Variants in ASAP1 observed in about 807,000 individuals in gnomAD.
ASAP1 encodes the protein arf-GAP with SH3 domain, ANK repeat and PH domain-containing protein 1.
ASAP1 carries 43 observed loss-of-function variants against 145.2 expected under a neutral mutation model. That is an observed-to-expected ratio of 0.30 (90% CI 0.23 to 0.38). The LOEUF (loss-of-function observed/expected upper bound fraction) is 0.38, where lower values mean the gene tolerates loss of function less well. Among genes scored for constraint, ASAP1 ranks in the 10% least tolerant of loss-of-function variants. The pLI is 1.00. For missense variants in ASAP1, 1,018 were observed against 1,355.3 expected (o/e 0.75, Z 3.91); for synonymous variants, 546 against 515.5 (o/e 1.06, Z -0.80).
rs143951275 is a variant in ASAP1, at chr8:130,430,502, A to T, written c.-28+12958T>A. The stretch of plus-strand genomic sequence containing the variant: ...GGCTGACCCTCGGTCTGAGCAGTTG[A>T]AACGTCCAGCTGCTTTCCTCTGACC... On this transcript the variant is annotated intron_variant, in intron 1 of 29. Coordinates refer to ENST00000518721, the MANE Select transcript of ASAP1 (RefSeq NM_018482.4). Among the ~76,000 whole-genome samples the T allele has an allele frequency of 2.6e-5, 4 of 152,328 alleles. No homozygotes were observed. In the East Asian group the frequency reaches 7.7e-4, roughly 29 times the overall value.
intron 3 of ASAP1, among the ~76,000 whole-genome samples, chr8:130,259,458 G>T (rs1488640746): frequency 6.6e-6 from 1 of 152,116 alleles, no homozygotes; most frequent in Non-Finnish European, 1.5e-5. Flanking sequence ...AATCACCCTG[G>T]ATGCAAGGTC....
At chr8:130,386,512 G>C (rs1340487075) in intron 2 of ASAP1, among the ~76,000 whole-genome samples, 1 of 152,182 alleles carries the variant, frequency 6.6e-6, no homozygotes, top group African/African-American at 2.4e-5. Context: ...GTCGACACAG[G>C]GCTAAGCGCT....
At chr8:130,125,689 A>C (rs2097573929) in intron 17 of ASAP1, among the ~76,000 whole-genome samples, 1 of 152,050 alleles carries the variant, frequency 6.6e-6, no homozygotes, top group Non-Finnish European at 1.5e-5. Flanking sequence ...AGAAAAATGT[A>C]GTTTTGAAGA....
chr8:130,276,007 C>T (rs888042933), intron 3 of ASAP1, among the ~76,000 whole-genome samples: 1 of 152,104 alleles, frequency 6.6e-6, no homozygotes, highest in African/African-American at 2.4e-5. Flanking sequence ...ACAGAGTGAT[C>T]AAGGAAAGAA....
intron 3 of ASAP1, among the ~76,000 whole-genome samples, chr8:130,302,101 G>A (rs1487201627): frequency 1.3e-5 from 2 of 152,232 alleles, no homozygotes; most frequent in African/African-American, 4.8e-5. Flanking sequence ...TACAGCTATA[G>A]TCTAACATTA....
intron 3 of ASAP1, among the ~76,000 whole-genome samples, chr8:130,325,194 T>A (rs557221988): frequency 5.9e-5 from 9 of 152,340 alleles, no homozygotes; most frequent in Admixed American, 1.3e-4. Context: ...CACATTTAAC[T>A]CTTTCTTGGG....
At chr8:130,348,798 G>T (rs534534533) in intron 3 of ASAP1, among the ~76,000 whole-genome samples, 2 of 152,296 alleles carry the variant, frequency 1.3e-5, no homozygotes, top group East Asian at 3.9e-4. Flanking sequence ...TAGCTGCCAT[G>T]CTCTGTACCA....
At chr8:130,081,692 G>A (rs2097480896) in intron 25 of ASAP1, among the ~76,000 whole-genome samples, 1 of 152,162 alleles carries the variant, frequency 6.6e-6, no homozygotes, top group Non-Finnish European at 1.5e-5. Context: ...CTCACAGCAT[G>A]AGACTGGCAT....
intron 29 of ASAP1, among the ~76,000 whole-genome samples, chr8:130,057,215 G>A (rs1323267871): frequency 6.6e-6 from 1 of 152,178 alleles, no homozygotes; most frequent in Non-Finnish European, 1.5e-5. Flanking sequence ...TTCCCAGCCT[G>A]GGGACAGTGT....
At chr8:130,242,261 TAAAA>T (rs571916495) in intron 3 of ASAP1, among the ~76,000 whole-genome samples, 1 of 85,342 alleles carries the variant, frequency 1.2e-5, no homozygotes, top group Non-Finnish European at 2.1e-5. Flanking sequence ...GTGATTTCCT[TAAAA>T]AAAAAAAAAA....
chr8:130,179,193 G>T, intron 9 of ASAP1, 71 bp downstream of exon 9: 1 of 954,948 alleles, frequency 1.0e-6, no homozygotes, highest in Non-Finnish European at 1.6e-6. Context: ...ATATGAAGAG[G>T]ATTAAGACAA....
intron 3 of ASAP1, among the ~76,000 whole-genome samples, chr8:130,237,649 A>G (rs868279526): frequency 4.6e-5 from 7 of 152,282 alleles, no homozygotes; most frequent in Middle Eastern, 3.4e-3. Context: ...TACCTGTGGT[A>G]TAAGCAGGGG....
intron 29 of ASAP1, among the ~76,000 whole-genome samples, chr8:130,056,970 G>A (rs2097405640): frequency 6.6e-6 from 1 of 152,228 alleles, no homozygotes; most frequent in South Asian, 2.1e-4. Flanking sequence ...GTCACTCACA[G>A]CCTGGGTACC....
intron 3 of ASAP1, among the ~76,000 whole-genome samples, chr8:130,277,538 A>G (rs1820986519): frequency 6.6e-6 from 1 of 152,216 alleles, no homozygotes; most frequent in South Asian, 2.1e-4. Context: ...AAACATTGAA[A>G]ACTCCTAAAG....
chr8:130,303,863 A>G (rs1822826339), intron 3 of ASAP1, among the ~76,000 whole-genome samples: 1 of 152,214 alleles, frequency 6.6e-6, no homozygotes, highest in African/African-American at 2.4e-5. Context: ...ATCATCGCAC[A>G]TTTGTCAAAT....
intron 4 of ASAP1, among the ~76,000 whole-genome samples, chr8:130,233,469 A>G (rs1818030923): frequency 6.6e-6 from 1 of 152,196 alleles, no homozygotes; most frequent in Admixed American, 6.6e-5. Context: ...TGAACAAGTT[A>G]TTCTGTCTCT....
At position 130,103,286 on chromosome 8, in the gene ASAP1, G is replaced by A. The variant is rs1014757349; in HGVS notation, c.2401+8808C>T. 2.0e-4 allele frequency among the ~76,000 whole-genome samples: 30 copies of A among 150,862 alleles called. 1 individual carries two copies. Among genetic ancestry groups the A allele is most frequent in the Admixed American group, 1.5e-3 (22 of 15,162 alleles). On this transcript the variant is annotated intron_variant, in intron 24 of 29. Coordinates refer to ENST00000518721, the MANE Select transcript of ASAP1 (RefSeq NM_018482.4). The stretch of plus-strand genomic sequence containing the variant: ...TTCATTTCTAATCTTATTTATTTGG[G>A]TCTTCTCCCTTCTTTTCTTGTCTAG...
intron 3 of ASAP1, among the ~76,000 whole-genome samples, chr8:130,300,930 C>T (rs1822622223): frequency 6.6e-6 from 1 of 152,106 alleles, no homozygotes; most frequent in Non-Finnish European, 1.5e-5. Context: ...CACTTAAGGA[C>T]CAGCAGAGGC....
At chr8:130,176,289 CA>C (rs1294045855) in intron 9 of ASAP1, among the ~76,000 whole-genome samples, 2 of 152,002 alleles carry the variant, frequency 1.3e-5, no homozygotes, top group Admixed American at 1.3e-4. Flanking sequence ...CAAAACAAAA[CA>C]AAAAACACCT....
Sources: gnomAD v4.1 joint callset for allele counts (sites outside exome capture counted in the v4.1 genomes callset) on GRCh38, gnomAD v4.1.1 for gene constraint, MANE v1.5 for transcripts, NCBI Gene and HGNC (gene_info 2026-07-23, HGNC 2026-07-21) for gene names.